PCDHA3: variants seen among roughly 807,000 people sequenced by gnomAD.
The protein encoded by PCDHA3 is protocadherin alpha 3, also known as protocadherin alpha-3.
A neutral mutation model predicts 62.2 loss-of-function variants in PCDHA3; 41 were observed. That is an observed-to-expected ratio of 0.66 (90% CI 0.51 to 0.86). PCDHA3 has a LOEUF of 0.86. Ranked by LOEUF, PCDHA3 falls within the 40% of genes least tolerant of loss-of-function variation. The pLI, the probability that PCDHA3 is intolerant of heterozygous loss-of-function variation, is 0.00. For missense variants in PCDHA3, 1,304 were observed against 1,241.2 expected, an observed-to-expected ratio of 1.05 and a Z score of -0.76; for synonymous variants, 640 against 555.4, an observed-to-expected ratio of 1.15 and a Z score of -2.14.
chr5:140,936,034 A>C (rs1554210820), intron 1 of PCDHA3, among the ~76,000 whole-genome samples: 1 of 151,842 alleles, frequency 6.6e-6, no homozygotes, highest in East Asian at 1.9e-4. Context: ...CGGGGATTAC[A>C]GGCACCCACC....
intron 1 of PCDHA3, chr5:140,804,829 C>T: frequency 2.5e-6 from 1 of 399,998 alleles, no homozygotes; most frequent in Non-Finnish European, 4.4e-6. Flanking sequence ...CTGGTTAATA[C>T]TCATTGACAG....
At chr5:140,876,876 C>T (rs1439703522) in intron 1 of PCDHA3, 1 of 1,614,012 alleles carries the variant, frequency 6.2e-7, no homozygotes, top group Non-Finnish European at 8.5e-7. Context: ...AGGAGAACAA[C>T]CCGCCGGGCT....
chr5:140,848,919 A>C, intron 1 of PCDHA3: 1 of 1,608,020 alleles, frequency 6.2e-7, no homozygotes, highest in Non-Finnish European at 8.5e-7. Flanking sequence ...GAATCTGTTC[A>C]TCGCGGAATC....
chr5:140,927,099 T>C (rs782352775), intron 1 of PCDHA3: 1 of 1,613,434 alleles, frequency 6.2e-7, no homozygotes, highest in Non-Finnish European at 8.5e-7. Context: ...TCGGGGTGGA[T>C]CTACCCAGCG....
chr5:140,974,944 T>C (rs1216786290), intron 1 of PCDHA3, among the ~76,000 whole-genome samples: 1 of 152,210 alleles, frequency 6.6e-6, no homozygotes, highest in African/African-American at 2.4e-5. Context: ...ACCTATTTGT[T>C]ATCTCACAGT....
At chr5:140,928,927 G>T (rs1359556123) in intron 1 of PCDHA3, 1 of 1,613,982 alleles carries the variant, frequency 6.2e-7, no homozygotes, top group Non-Finnish European at 8.5e-7. Context: ...GCAGCTTTCT[G>T]CCCAGAACTT....
At chr5:140,883,366 C>T (rs34923516) in intron 1 of PCDHA3, 1 of 1,614,174 alleles carries the variant, frequency 6.2e-7, no homozygotes, top group South Asian at 1.1e-5. Context: ...CTCAGCCTAG[C>T]GCCATTATTG....
chr5:141,009,449 A>T, intron 3 of PCDHA3, among the ~76,000 whole-genome samples, 178 bp from the exon 4 acceptor site: 1 of 152,184 alleles, frequency 6.6e-6, no homozygotes, highest in Non-Finnish European at 1.5e-5. Context: ...GTCTCAAAAA[A>T]ATTAAACAAA....
chr5:140,891,637 G>A (rs1245368138), intron 1 of PCDHA3, among the ~76,000 whole-genome samples: 1 of 151,912 alleles, frequency 6.6e-6, no homozygotes, highest in East Asian at 1.9e-4. Context: ...TGCTCTTTGG[G>A]CTTTATTGTG....
intron 1 of PCDHA3, chr5:140,830,286 G>C (rs1434180043): frequency 6.2e-7 from 1 of 1,613,738 alleles, no homozygotes; most frequent in Non-Finnish European, 8.5e-7. Flanking sequence ...GAGGGCGCGT[G>C]CACGGCGGAC....
At chr5:140,958,484 G>A (rs246009) in intron 1 of PCDHA3, among the ~76,000 whole-genome samples, 85,541 of 151,786 alleles carry the variant, frequency 0.56, 24,705 homozygotes, top group African/African-American at 0.69. Flanking sequence ...AGAGCACTAA[G>A]TCCACATATC....
chr5:140,841,522 G>C (rs2150317350), intron 1 of PCDHA3: 13 of 1,613,482 alleles, frequency 8.1e-6, no homozygotes, highest in Non-Finnish European at 1.1e-5. Context: ...TCCGGGTGGC[G>C]TCCAAAAGAC....
At chr5:140,983,018 A>T (rs2097022598) in intron 3 of PCDHA3, among the ~76,000 whole-genome samples, 1 of 152,096 alleles carries the variant, frequency 6.6e-6, no homozygotes, top group African/African-American at 2.4e-5. Flanking sequence ...GGAAGGAAGG[A>T]AGGAAGATGG....
intron 1 of PCDHA3, chr5:140,967,690 C>G (rs782694266): frequency 6.2e-7 from 1 of 1,614,190 alleles, no homozygotes; most frequent in Non-Finnish European, 8.5e-7. Flanking sequence ...GGCAGCTCTT[C>G]AGCATAGATG....
At chr5:140,876,556 G>A (rs369915148) in intron 1 of PCDHA3, 10 of 1,614,204 alleles carry the variant, frequency 6.2e-6, no homozygotes, top group Non-Finnish European at 8.5e-6. Flanking sequence ...TGTGCAAGAG[G>A]ATGCTCAGGT....
In PCDHA3 at chr5:140,801,670, C is replaced by G; in HGVS notation, c.473C>G (p.Ser158Ter). 6.2e-7 allele frequency: 1 copy of G among 1,614,208 alleles called. No homozygotes were observed. The highest frequency in any genetic ancestry group is 8.5e-7 in the Non-Finnish European group (1 of 1,180,042). ...PGSRFSLEGA[S>*]DADIGTNSLL... ...TCTCGGTTTTCGCTAGAGGGCGCAT[C>G]AGATGCAGATATCGGAACAAATTCG... The change falls in exon 1 of 4, where the codon TCA becomes TGA. Residue 158 changes from serine (S) to a stop codon, truncating the protein, a stop_gained. Coordinates refer to ENST00000522353, the MANE Select transcript of PCDHA3 (RefSeq NM_018906.3). LOFTEE classifies it high-confidence loss of function.
chr5:140,984,726 A>C (rs549219216), intron 3 of PCDHA3, among the ~76,000 whole-genome samples: 51 of 152,276 alleles, frequency 3.3e-4, no homozygotes, highest in Non-Finnish European at 5.0e-4. Flanking sequence ...AAAGATTAAG[A>C]TTATGATTTA....
chr5:140,822,005 A>G (rs2150112895), intron 1 of PCDHA3: 13 of 1,614,110 alleles, frequency 8.1e-6, no homozygotes, highest in Non-Finnish European at 1.1e-5. Flanking sequence ...CTGGAGGTAA[A>G]TCTGCAGAAT....
intron 1 of PCDHA3, chr5:140,868,151 C>A (rs1421051830): frequency 6.6e-6 from 1 of 151,990 alleles, no homozygotes. Flanking sequence ...GATTCTGTTA[C>A]ATAAAGTGCT....
Sources: gnomAD v4.1 joint callset for allele counts (sites outside exome capture counted in the v4.1 genomes callset) on GRCh38, gnomAD v4.1.1 for gene constraint, MANE v1.5 for transcripts, NCBI Gene and HGNC (gene_info 2026-07-23, HGNC 2026-07-21) for gene names.